GIPC2: variants seen among roughly 807,000 people sequenced by gnomAD.
The protein encoded by GIPC2 is GIPC PDZ domain containing family member 2.
A neutral mutation model predicts 30.6 loss-of-function variants in GIPC2; 30 were observed. That is an observed-to-expected ratio of 0.98 (90% confidence interval 0.73 to 1.33). GIPC2 has a LOEUF of 1.33. Among genes scored for constraint, GIPC2 ranks in the 40% most tolerant of loss-of-function variants. The pLI is 0.00. For missense variants in GIPC2, 414 were observed against 390.3 expected, an observed-to-expected ratio of 1.06 and a Z score of -0.51; for synonymous variants, 167 against 150.0, an observed-to-expected ratio of 1.11 and a Z score of -0.83.
intron 1 of GIPC2, among the ~76,000 whole-genome samples, chr1:78,063,930 A>G (rs997675579): frequency 1.3e-5 from 2 of 151,896 alleles, no homozygotes; most frequent in African/African-American, 4.8e-5. Context: ...ATGGGATTCA[A>G]TTGATTGTTT....
rs746074256 is a variant in GIPC2, at chr1:78,137,069, C to T, written c.*1326C>T. 1.3e-5 allele frequency: 2 copies of T among 152,106 alleles called. No individual in the cohort carries two copies. Among genetic ancestry groups the T allele is most frequent in the Non-Finnish European group, 2.9e-5 (2 of 67,996 alleles). The allele number at this position is 152,106 out of a possible 1,614,324, so 9.4% of individuals were successfully genotyped here. A position where few individuals can be genotyped will look rare whatever the true frequency, so the allele number is the denominator to read the frequency against. The stretch of plus-strand genomic sequence containing the variant: ...GTAAAACTTTAGTTGTATTGCCATC[C>T]ACTCCTTTTTCAAATGAGTTTAATG... On this transcript the variant is annotated 3_prime_UTR_variant, in exon 6 of 6. Coordinates refer to ENST00000370759, the MANE Select transcript of GIPC2 (RefSeq NM_017655.6).
intron 3 of GIPC2, among the ~76,000 whole-genome samples, chr1:78,106,489 G>A (rs1377530025): frequency 6.6e-6 from 1 of 151,952 alleles, no homozygotes; most frequent in Admixed American, 6.6e-5. Flanking sequence ...GAACCCAGGG[G>A]GCGGGGCTTG....
At chr1:78,111,180 T>C (rs997684431) in intron 3 of GIPC2, among the ~76,000 whole-genome samples, 2 of 152,168 alleles carry the variant, frequency 1.3e-5, no homozygotes, top group Non-Finnish European at 2.9e-5. Flanking sequence ...ATGTTTACTT[T>C]TCTGGGATGG....
intron 1 of GIPC2, among the ~76,000 whole-genome samples, chr1:78,071,989 T>C (rs1661628386): frequency 6.6e-6 from 1 of 152,220 alleles, no homozygotes; most frequent in South Asian, 2.1e-4. Context: ...CAGATAATAG[T>C]TGTCAGAGAG....
intron 2 of GIPC2, chr1:78,091,760 G>A (rs1010660107): frequency 3.9e-6 from 3 of 776,422 alleles, no homozygotes; most frequent in Non-Finnish European, 7.2e-6. Context: ...CAAGCACAAA[G>A]TAGCACAGAA....
intron 1 of GIPC2, among the ~76,000 whole-genome samples, chr1:78,056,564 CA>C (rs1259123166): frequency 6.6e-6 from 1 of 152,212 alleles, no homozygotes; most frequent in Non-Finnish European, 1.5e-5. Context: ...CCAGCTTCGA[CA>C]ATTGTCAACA....
At chr1:78,046,409 A>G (rs959113333) in intron 1 of GIPC2, 75 bp downstream of exon 1, 22 of 1,365,268 alleles carry the variant, frequency 1.6e-5, no homozygotes, top group Admixed American at 4.0e-5. Flanking sequence ...CTGTGGGCCC[A>G]GGAGGGTTGA....
intron 1 of GIPC2, among the ~76,000 whole-genome samples, chr1:78,049,126 A>G (rs939846244): frequency 2.0e-5 from 3 of 152,290 alleles, no homozygotes; most frequent in African/African-American, 4.8e-5. Flanking sequence ...CCAGCAAGCA[A>G]TTACCTCAGC....
intron 2 of GIPC2, among the ~76,000 whole-genome samples, chr1:78,081,367 C>A (rs889676722): frequency 2.0e-5 from 3 of 152,170 alleles, no homozygotes; most frequent in Non-Finnish European, 4.4e-5. Flanking sequence ...CTGTACTGAA[C>A]ATGTATGGCC....
chr1:78,091,667 C>T, intron 2 of GIPC2: 1 of 772,838 alleles, frequency 1.3e-6, no homozygotes, highest in Admixed American at 1.7e-5. Context: ...GGATCTTATT[C>T]AGTCTGCTGT....
chr1:78,049,025 G>A (rs181195567), intron 1 of GIPC2, among the ~76,000 whole-genome samples: 1 of 152,254 alleles, frequency 6.6e-6, no homozygotes, highest in East Asian at 1.9e-4. Context: ...AGCATAGTAC[G>A]CATAATATTT....
At chr1:78,119,637 G>A in intron 4 of GIPC2, 138 bp downstream of exon 4, 1 of 595,444 alleles carries the variant, frequency 1.7e-6, no homozygotes, top group Non-Finnish European at 3.0e-6. Flanking sequence ...TATTTAAAAA[G>A]GAAATATAGA....
chr1:78,103,092 C>T (rs935483542), intron 3 of GIPC2, among the ~76,000 whole-genome samples: 12 of 152,116 alleles, frequency 7.9e-5, no homozygotes, highest in African/African-American at 1.9e-4. Context: ...AGCTAGTGAG[C>T]GAGGGAGGCA....
intron 5 of GIPC2, among the ~76,000 whole-genome samples, chr1:78,129,524 G>T (rs1440321219): frequency 6.6e-6 from 1 of 152,126 alleles, no homozygotes; most frequent in Non-Finnish European, 1.5e-5. Context: ...CTCAAAAAAA[G>T]ATTAAGAGGT....
At position 78,080,664 on chromosome 1, in the gene GIPC2, T is replaced by G. The variant is rs781258721; in HGVS notation, c.241-11T>G. 3 of 1,536,544 alleles carry G rather than the reference T, an allele frequency of 2.0e-6. No homozygotes were observed. Among genetic ancestry groups the G allele is most frequent in the Non-Finnish European group, 2.7e-6 (3 of 1,123,998 alleles). On this transcript the variant is annotated splice_polypyrimidine_tract_variant and intron_variant, in intron 1 of 5. Transcript: ENST00000370759. Reference sequence around the variant, plus strand: ...GTGGAAATGGACCTGACATTTTATTTTTCTTTGCAGATCTTATATTGCACT... The same window carrying G: ...GTGGAAATGGACCTGACATTTTATTGTTCTTTGCAGATCTTATATTGCACT...
intron 3 of GIPC2, among the ~76,000 whole-genome samples, chr1:78,099,463 G>A (rs565484560): frequency 2.2e-4 from 33 of 149,722 alleles, no homozygotes; most frequent in Non-Finnish European, 4.0e-4. Flanking sequence ...TTTTGAGACG[G>A]AGTTTTGCTC....
At chr1:78,113,825 A>AT (rs1024331996) in intron 3 of GIPC2, among the ~76,000 whole-genome samples, 35 of 143,242 alleles carry the variant, frequency 2.4e-4, no homozygotes, top group East Asian at 1.3e-3. Context: ...AGCCAAAAAT[A>AT]TTTTTTCTAA....
intron 1 of GIPC2, among the ~76,000 whole-genome samples, chr1:78,047,340 T>C (rs1661113800): frequency 6.6e-6 from 1 of 152,182 alleles, no homozygotes; most frequent in Admixed American, 6.5e-5. Context: ...TAATTAGTTG[T>C]TTATCAGGTC....
chr1:78,086,894 G>GCCAC (rs1475897197), intron 2 of GIPC2, among the ~76,000 whole-genome samples: 1 of 152,038 alleles, frequency 6.6e-6, no homozygotes, highest in Non-Finnish European at 1.5e-5. Flanking sequence ...TATCCAGCTT[G>GCCAC]CCACTCTGTG....
Sources: gnomAD v4.1 joint callset for allele counts (sites outside exome capture counted in the v4.1 genomes callset) on GRCh38, gnomAD v4.1.1 for gene constraint, MANE v1.5 for transcripts, NCBI Gene and HGNC (gene_info 2026-07-23, HGNC 2026-07-21) for gene names.